The following AKT3 variants were observed in gnomAD, a reference collection of about 807,000 sequenced individuals.
The protein encoded by AKT3 is RAC-gamma serine/threonine-protein kinase.
Under a neutral mutation model 65.3 loss-of-function variants are expected in AKT3, and 15 were observed. That is an observed-to-expected ratio of 0.23 (90% confidence interval 0.15 to 0.35). The LOEUF is 0.35. AKT3 is among the 10% of genes least tolerant of loss of function. The pLI is 1.00. For synonymous variants in AKT3, 206 were observed against 183.8 expected (o/e 1.12, Z -0.98); for missense variants, 243 against 576.5 (o/e 0.42, Z 5.92).
intron 2 of AKT3, among the ~76,000 whole-genome samples, chr1:243,784,074 G>T (rs1691090050): frequency 6.6e-6 from 1 of 152,086 alleles, no homozygotes; most frequent in African/African-American, 2.4e-5. Context: ...AAATAAAAAA[G>T]ATGCTGATAA....
At chr1:243,694,819 T>G (rs1355805765) in intron 3 of AKT3, among the ~76,000 whole-genome samples, 1 of 151,928 alleles carries the variant, frequency 6.6e-6, no homozygotes, top group East Asian at 1.9e-4. Flanking sequence ...GGCTAATAGA[T>G]AACATATAAC....
intron 6 of AKT3, among the ~76,000 whole-genome samples, chr1:243,620,830 G>A (rs1191630457): frequency 6.6e-6 from 1 of 151,956 alleles, no homozygotes; most frequent in Non-Finnish European, 1.5e-5. Context: ...TTAGATGAAG[G>A]CCAAATGAAC....
At chr1:243,726,129 C>A (rs1053618718) in intron 2 of AKT3, among the ~76,000 whole-genome samples, 2 of 152,122 alleles carry the variant, frequency 1.3e-5, no homozygotes, top group Non-Finnish European at 2.9e-5. Flanking sequence ...TTTAATTATT[C>A]TGTTGCTGGG....
At chr1:243,494,137 A>T (rs1667239446) in intron 13 of AKT3, among the ~76,000 whole-genome samples, 1 of 152,244 alleles carries the variant, frequency 6.6e-6, no homozygotes, top group Non-Finnish European at 1.5e-5. Context: ...AAAATAAATT[A>T]AAAAGCCTCC....
intron 2 of AKT3, among the ~76,000 whole-genome samples, chr1:243,751,566 A>G (rs563941797): frequency 6.6e-6 from 1 of 152,270 alleles, no homozygotes; most frequent in South Asian, 2.1e-4. Flanking sequence ...GTCAGACAGG[A>G]TATTCTGCTA....
In AKT3 at chr1:243,503,683, A is replaced by C. The variant is rs1263976777; in HGVS notation, c.*1566T>G. On this transcript the variant is annotated 3_prime_UTR_variant, in exon 14 of 14. Transcript: ENST00000673466. ...ATGTTGGAATCTGGGGGACATGAGT[A>C]TATACAGAAAAAGAAAAGCTGGAGG... is the stretch of plus-strand genomic sequence containing the variant. 1 of 232,280 alleles carries C rather than the reference A, an allele frequency of 4.3e-6. No homozygotes were observed. Among genetic ancestry groups the C allele is most frequent in the Non-Finnish European group, 8.5e-6 (1 of 117,288 alleles). The allele number at this position is 232,280 out of a possible 1,614,324, so 14.4% of individuals were successfully genotyped here.
chr1:243,603,894 CTTTT>C (rs566682027), intron 8 of AKT3, among the ~76,000 whole-genome samples: 2 of 129,964 alleles, frequency 1.5e-5, no homozygotes, highest in Admixed American at 8.0e-5. Context: ...AATTAATAAT[CTTTT>C]TTTTTTTTTT....
In AKT3 at chr1:243,659,745, G is replaced by C. The variant is rs77789416; in HGVS notation, c.284+5027C>G. On this transcript the variant is annotated intron_variant, in intron 4 of 13. Coordinates refer to ENST00000673466, the MANE Select transcript of AKT3 (RefSeq NM_005465.7). ...TGAAATAAATATAAGACAGGTGAGA[G>C]ATATACAGATTTAGTTTATGACAGG... Among the ~76,000 whole-genome samples, 644 of 152,262 alleles carry C rather than the reference G, an allele frequency of 4.2e-3. 3 individuals carry two copies. The highest frequency in any genetic ancestry group is 0.011 in the Admixed American group (162 of 15,286).
At chr1:243,682,269 C>T (rs1683978393) in intron 3 of AKT3, among the ~76,000 whole-genome samples, 1 of 152,034 alleles carries the variant, frequency 6.6e-6, no homozygotes. Flanking sequence ...CCCTCCACTT[C>T]CCATCCACAA....
At chr1:243,581,364 G>T (rs192172724) in intron 8 of AKT3, among the ~76,000 whole-genome samples, 37 of 152,268 alleles carry the variant, frequency 2.4e-4, no homozygotes, top group African/African-American at 6.7e-4. Flanking sequence ...TATACACTAA[G>T]CCATGTTGGC....
At chr1:243,571,661 G>C (rs2148504409) in intron 9 of AKT3, among the ~76,000 whole-genome samples, 1 of 152,302 alleles carries the variant, frequency 6.6e-6, no homozygotes. Flanking sequence ...AACACATTTT[G>C]TCATGCCACA....
In AKT3 at chr1:243,842,661, T is replaced by C. The variant is rs558640842; in HGVS notation, c.46+464A>G. Among the ~76,000 whole-genome samples, 87 of 152,330 alleles carry C rather than the reference T, an allele frequency of 5.7e-4. 2 individuals are homozygous for C. In the South Asian group the frequency reaches 0.018, roughly 31 times the overall value. ...GACTTTACTTACCAAATTTATGGGA[T>C]TAATCCATGAGTTTGCGGGTGAACC... On this transcript the variant is annotated intron_variant, in intron 2 of 13. Coordinates refer to ENST00000673466, the MANE Select transcript of AKT3 (RefSeq NM_005465.7).
intron 5 of AKT3, among the ~76,000 whole-genome samples, chr1:243,645,553 G>C (rs2147844524): frequency 6.6e-6 from 1 of 152,084 alleles, no homozygotes; most frequent in African/African-American, 2.4e-5. Flanking sequence ...AATGCGAAAT[G>C]GAAAAGAACA....
chr1:243,832,211 G>A (rs915114145), intron 2 of AKT3, among the ~76,000 whole-genome samples: 4 of 137,930 alleles, frequency 2.9e-5, no homozygotes, highest in Non-Finnish European at 4.6e-5. Flanking sequence ...TTCTACATAT[G>A]AGCTTAAGAA....
intron 6 of AKT3, among the ~76,000 whole-genome samples, chr1:243,628,010 G>T (rs12739344): frequency 2.0e-5 from 3 of 152,018 alleles, no homozygotes; most frequent in Non-Finnish European, 4.4e-5. Flanking sequence ...TCAGACTGGA[G>T]CTTATGGCAA....
At chr1:243,777,540 T>C (rs115841682) in intron 2 of AKT3, among the ~76,000 whole-genome samples, 1 of 152,136 alleles carries the variant, frequency 6.6e-6, no homozygotes, top group Admixed American at 6.5e-5. Context: ...GGATCACTAG[T>C]GGAAGTAACA....
chr1:243,540,781 CATT>C (rs1341924862), intron 12 of AKT3, among the ~76,000 whole-genome samples: 1 of 152,160 alleles, frequency 6.6e-6, no homozygotes, highest in Non-Finnish European at 1.5e-5. Flanking sequence ...GTTCCATCAT[CATT>C]CTTTGCCTAT....
intron 6 of AKT3, among the ~76,000 whole-genome samples, chr1:243,628,059 C>G (rs1271575360): frequency 2.0e-5 from 3 of 152,162 alleles, no homozygotes; most frequent in Non-Finnish European, 4.4e-5. Flanking sequence ...CCACTGGGAC[C>G]ATGGGCCAGA....
chr1:243,553,442 A>C (rs1033517492), intron 10 of AKT3, among the ~76,000 whole-genome samples: 6 of 152,226 alleles, frequency 3.9e-5, no homozygotes, highest in African/African-American at 1.4e-4. Flanking sequence ...GTAATGGAGA[A>C]GTCTACAGGG....
Sources: allele counts gnomAD v4.1 joint callset (sites outside exome capture counted in the v4.1 genomes callset), GRCh38; gene constraint gnomAD v4.1.1; transcripts MANE v1.5; gene names NCBI Gene and HGNC (gene_info 2026-07-23, HGNC 2026-07-21).